Variants in MARCHF11 observed in about 807,000 individuals in gnomAD.
MARCHF11 encodes the protein E3 ubiquitin-protein ligase MARCHF11.
In MARCHF11, 29 loss-of-function variants were observed where a neutral mutation model predicts 37.3. The ratio of observed to expected loss-of-function variants is 0.78; its 90% CI spans 0.58 to 1.06. The LOEUF (loss-of-function observed/expected upper bound fraction) is 1.06, where lower values mean the gene tolerates loss of function less well. Among genes scored for constraint, MARCHF11 ranks in the 50% least tolerant of loss-of-function variants. MARCHF11 has a pLI of 0.00. For synonymous variants in MARCHF11, 233 were observed against 228.0 expected (o/e 1.02, Z -0.20); for missense variants, 482 against 533.4 (o/e 0.90, Z 0.95).
At chr5:16,102,824 G>T (rs1189489705) in intron 2 of MARCHF11, among the ~76,000 whole-genome samples, 1 of 152,144 alleles carries the variant, frequency 6.6e-6, no homozygotes, top group Non-Finnish European at 1.5e-5. Context: ...TTCCTGCCAG[G>T]ACCCAAAGGC....
At chr5:16,094,608 C>T (rs1229325035) in intron 2 of MARCHF11, among the ~76,000 whole-genome samples, 1 of 152,142 alleles carries the variant, frequency 6.6e-6, no homozygotes, top group East Asian at 1.9e-4. Context: ...GCCAGATTGG[C>T]TCTAAATAGT....
rs11949222 is a variant in MARCHF11 at position 16,081,623 on chromosome 5, A to G, written c.886+9266T>C. On this transcript the variant is annotated intron_variant, in intron 3 of 3. Transcript: ENST00000332432. ...GCACCACGGTAAATACGCAATGAAT[A>G]TTGGCTCGACAGATTACTAATGCTG... Among the ~76,000 whole-genome samples, 501 of 152,252 alleles carry G rather than the reference A, an allele frequency of 3.3e-3. 3 individuals carry two copies. Among genetic ancestry groups the G allele is most frequent in the African/African-American group, 0.011 (459 of 41,554 alleles).
At chr5:16,150,881 G>A (rs759132911) in intron 2 of MARCHF11, among the ~76,000 whole-genome samples, 6 of 151,938 alleles carry the variant, frequency 3.9e-5, no homozygotes, top group African/African-American at 7.3e-5. Context: ...GGAAAAAAAC[G>A]TGGTTCCCCA....
At chr5:16,148,780 G>T (rs1737845366) in intron 2 of MARCHF11, among the ~76,000 whole-genome samples, 1 of 152,132 alleles carries the variant, frequency 6.6e-6, no homozygotes. Flanking sequence ...AAATCTTAAA[G>T]AGACTGAGAT....
chr5:16,078,228 T>C (rs1736551373), intron 3 of MARCHF11, among the ~76,000 whole-genome samples: 1 of 152,184 alleles, frequency 6.6e-6, no homozygotes, highest in South Asian at 2.1e-4. Flanking sequence ...CTGTTTGATC[T>C]TGGGGAAATT....
chr5:16,107,444 G>A (rs1469180727), intron 2 of MARCHF11, among the ~76,000 whole-genome samples: 1 of 152,008 alleles, frequency 6.6e-6, no homozygotes, highest in African/African-American at 2.4e-5. Flanking sequence ...TTTTGTGATT[G>A]GGAGTACTAG....
intron 2 of MARCHF11, among the ~76,000 whole-genome samples, chr5:16,113,998 G>A (rs1579389399): frequency 6.6e-6 from 1 of 152,132 alleles, no homozygotes. Flanking sequence ...CTACCTCTAT[G>A]AGATCAACTT....
At chr5:16,082,871 A>G (rs1043344785) in intron 3 of MARCHF11, among the ~76,000 whole-genome samples, 10 of 152,176 alleles carry the variant, frequency 6.6e-5, no homozygotes, top group African/African-American at 2.4e-4. Context: ...ACCACCTCCT[A>G]TAACTCGCCT....
At chr5:16,152,830 C>T (rs188021700) in intron 2 of MARCHF11, among the ~76,000 whole-genome samples, 1 of 152,100 alleles carries the variant, frequency 6.6e-6, no homozygotes, top group African/African-American at 2.4e-5. Flanking sequence ...CTACTTATTA[C>T]TATGATTAAG....
In MARCHF11 at chr5:16,179,489, C is replaced by T. The variant is rs964602115; in HGVS notation, c.87G>A (p.Pro29=). The T allele has an allele frequency of 2.6e-6, 3 of 1,151,066 alleles. No individual in the cohort carries two copies. Among genetic ancestry groups the T allele is most frequent in the South Asian group, 8.5e-5 (2 of 23,652 alleles). 71.3% of individuals were successfully genotyped at this position (1,151,066 alleles called of 1,614,324 possible). The part of the protein sequence containing the change: ...DAEPPPQPPP[P]PPPTPPPGEP... Reference sequence around the variant, plus strand: ...CTCCCGGCGGCGGCGTCGGCGGCGGCGGCGGGGGAGGTTGCGGGGGAGGCT... The same window carrying T: ...CTCCCGGCGGCGGCGTCGGCGGCGGTGGCGGGGGAGGTTGCGGGGGAGGCT... Residue 29 remains proline, a synonymous_variant, in exon 1 of 4, where the codon CCG becomes CCA. Transcript: ENST00000332432.
At chr5:16,090,237 C>T (rs573972752) in intron 3 of MARCHF11, among the ~76,000 whole-genome samples, 36 of 152,252 alleles carry the variant, frequency 2.4e-4, no homozygotes, top group African/African-American at 8.4e-4. Context: ...GATTGGCTTC[C>T]GTTTTCTCAC....
In MARCHF11 at chr5:16,146,852, CTCTT is replaced by C. The variant is rs1357037524; in HGVS notation, c.693+30870_693+30873del. On this transcript the variant is annotated intron_variant, in intron 2 of 3. Coordinates refer to ENST00000332432, the MANE Select transcript of MARCHF11 (RefSeq NM_001102562.3). ...AGCCACATGTCTTAAGAAAGAACAA[CTCTT>C]TTCTTCTATTATGGTACTTTGTGGG... Among the ~76,000 whole-genome samples, 502 of 152,210 alleles carry C rather than the reference CTCTT, an allele frequency of 3.3e-3. 1 individual carries two copies. Among genetic ancestry groups the C allele is most frequent in the African/African-American group, 0.012 (479 of 41,546 alleles).
intron 2 of MARCHF11, among the ~76,000 whole-genome samples, chr5:16,099,354 AAG>A (rs1427733080): frequency 6.6e-6 from 1 of 152,216 alleles, no homozygotes; most frequent in African/African-American, 2.4e-5. Context: ...TAACCCATAA[AAG>A]AGAGGGAGAA....
intron 2 of MARCHF11, among the ~76,000 whole-genome samples, chr5:16,156,667 A>G (rs892695970): frequency 5.3e-5 from 8 of 151,906 alleles, no homozygotes; most frequent in African/African-American, 1.9e-4. Flanking sequence ...TAATTGCTTA[A>G]TGATGAGGAT....
chr5:16,140,249 C>T (rs1298633751), intron 2 of MARCHF11, among the ~76,000 whole-genome samples: 1 of 151,846 alleles, frequency 6.6e-6, no homozygotes, highest in African/African-American at 2.4e-5. Flanking sequence ...ACATTCAATT[C>T]AAGAAATGTA....
intron 2 of MARCHF11, among the ~76,000 whole-genome samples, chr5:16,100,320 C>T (rs1736934584): frequency 6.6e-6 from 1 of 152,090 alleles, no homozygotes; most frequent in East Asian, 1.9e-4. Context: ...ACTCCAGGAC[C>T]AGAAGAATAA....
intron 2 of MARCHF11, among the ~76,000 whole-genome samples, chr5:16,135,363 C>T (rs1327995005): frequency 1.3e-5 from 2 of 152,022 alleles, no homozygotes; most frequent in African/African-American, 4.8e-5. Flanking sequence ...AATTGGAAAG[C>T]TGGTGCATAA....
chr5:16,103,670 T>C (rs1016184390), intron 2 of MARCHF11, among the ~76,000 whole-genome samples: 1 of 152,162 alleles, frequency 6.6e-6, no homozygotes, highest in African/African-American at 2.4e-5. Context: ...CCCTAGAATA[T>C]AGGGGATGCT....
chr5:16,076,147 T>C lies in MARCHF11; in HGVS notation c.887-8354A>G, dbSNP rs147575890. 5.5e-3 allele frequency among the ~76,000 whole-genome samples: 832 copies of C among 152,356 alleles called. 4 individuals are homozygous for C. The highest frequency in any genetic ancestry group is 8.9e-3 in the South Asian group (43 of 4,832). ...GCCAATGAATCAATCATTTAACTGA[T>C]TTTTAAAATTCCTTGTAGATGGGAG... On this transcript the variant is annotated intron_variant, in intron 3 of 3. Coordinates refer to ENST00000332432, the MANE Select transcript of MARCHF11 (RefSeq NM_001102562.3).
Sources: allele counts gnomAD v4.1 joint callset (sites outside exome capture counted in the v4.1 genomes callset), GRCh38; gene constraint gnomAD v4.1.1; transcripts MANE v1.5; gene names NCBI Gene and HGNC (gene_info 2026-07-23, HGNC 2026-07-21).